The following IQCM variants were observed in gnomAD, a reference collection of about 807,000 sequenced individuals.
The protein encoded by IQCM is IQ motif containing M, also known as IQ domain-containing protein M.
In IQCM, 45 loss-of-function variants were observed where a neutral mutation model predicts 57.6. The ratio of observed to expected loss-of-function variants is 0.78; its 90% CI spans 0.62 to 1.00. The LOEUF (loss-of-function observed/expected upper bound fraction) is 1.00. Ranked by LOEUF, IQCM falls within the 50% of genes least tolerant of loss-of-function variation. The pLI, the probability that IQCM is intolerant of heterozygous loss-of-function variation, is 0.00. For synonymous variants in IQCM, 148 were observed against 158.9 expected (o/e 0.93, Z 0.51); for missense variants, 468 against 511.6 (o/e 0.91, Z 0.82).
intron 5 of IQCM, among the ~76,000 whole-genome samples, chr4:149,718,552 C>A (rs190159820): frequency 4.6e-5 from 7 of 152,310 alleles, no homozygotes; most frequent in African/African-American, 1.7e-4. Context: ...TTGAAATGTA[C>A]TTTCAGAAGT....
Position 149,689,575 on chromosome 4 carries a change from AT to A in IQCM, c.386-3108del, listed in dbSNP as rs575535510. Among the ~76,000 whole-genome samples, 73 of 152,228 alleles carry A rather than the reference AT, an allele frequency of 4.8e-4. 1 individual carries two copies. In the South Asian group the frequency reaches 0.015, roughly 32 times the overall value. On this transcript the variant is annotated intron_variant, in intron 5 of 13. Transcript: ENST00000636793. ...AAATAAAAATTTTAAAAAGATAAAT[AT>A]TTGGGACTTAATTAACTAAAGAACT...
chr4:149,540,139 T>A (rs1020953666), intron 12 of IQCM, among the ~76,000 whole-genome samples: 1 of 151,024 alleles, frequency 6.6e-6, no homozygotes, highest in African/African-American at 2.4e-5. Flanking sequence ...GAGGTGAGCA[T>A]GCCCAGAAGA....
intron 13 of IQCM, among the ~76,000 whole-genome samples, chr4:149,394,054 A>G (rs1375061974): frequency 6.6e-6 from 1 of 152,024 alleles, no homozygotes; most frequent in Non-Finnish European, 1.5e-5. Context: ...TTGTGTTCTC[A>G]TAGTCAGTAT....
chr4:149,805,689 A>C (rs1774012876), intron 2 of IQCM, among the ~76,000 whole-genome samples: 1 of 152,074 alleles, frequency 6.6e-6, no homozygotes, highest in Non-Finnish European at 1.5e-5. Context: ...CATTAGCATA[A>C]AAAGAATTTG....
chr4:149,477,870 G>A (rs989450443), intron 12 of IQCM, among the ~76,000 whole-genome samples: 2 of 152,126 alleles, frequency 1.3e-5, no homozygotes, highest in South Asian at 4.1e-4. Flanking sequence ...AAATGGAACA[G>A]AGCTCTCAAA....
chr4:149,390,051 T>G (rs189873182), intron 13 of IQCM, among the ~76,000 whole-genome samples: 1 of 151,978 alleles, frequency 6.6e-6, no homozygotes. Context: ...GTAGATCAGG[T>G]TGGAGAGACC....
intron 13 of IQCM, among the ~76,000 whole-genome samples, chr4:149,385,352 C>G (rs1344340849): frequency 1.3e-5 from 2 of 152,068 alleles, no homozygotes; most frequent in Non-Finnish European, 2.9e-5. Flanking sequence ...ACCACGGTAG[C>G]AGCCTGTGCC....
At chr4:149,581,434 C>T (rs1752173112) in intron 9 of IQCM, among the ~76,000 whole-genome samples, 1 of 151,328 alleles carries the variant, frequency 6.6e-6, no homozygotes, top group Non-Finnish European at 1.5e-5. Context: ...CCCTTCTATG[C>T]CCAGAATCCC....
At chr4:149,523,055 A>G (rs1360542117) in intron 12 of IQCM, among the ~76,000 whole-genome samples, 1 of 152,212 alleles carries the variant, frequency 6.6e-6, no homozygotes, top group East Asian at 1.9e-4. Context: ...TCAAGTCACT[A>G]GCAGATTAAG....
At chr4:149,794,636 T>C (rs1772949151) in intron 2 of IQCM, among the ~76,000 whole-genome samples, 1 of 152,112 alleles carries the variant, frequency 6.6e-6, no homozygotes, top group Non-Finnish European at 1.5e-5. Flanking sequence ...GGTGCATTCA[T>C]ATAATAATAA....
chr4:149,805,476 C>T (rs1276598885), intron 2 of IQCM, among the ~76,000 whole-genome samples: 2 of 151,972 alleles, frequency 1.3e-5, no homozygotes, highest in Non-Finnish European at 2.9e-5. Context: ...AACAAACATC[C>T]TGAAGAAATA....
chr4:149,575,094 G>T (rs1751507873), intron 9 of IQCM, among the ~76,000 whole-genome samples: 1 of 151,908 alleles, frequency 6.6e-6, no homozygotes, highest in African/African-American at 2.4e-5. Flanking sequence ...TGGATCTGCT[G>T]CTACCAAGCT....
At chr4:149,747,011 C>T (rs533859014) in intron 2 of IQCM, among the ~76,000 whole-genome samples, 30 of 152,278 alleles carry the variant, frequency 2.0e-4, no homozygotes, top group African/African-American at 7.0e-4. Flanking sequence ...CCTAGTCACC[C>T]TTCTCTGATA....
At chr4:149,606,786 G>C (rs1425410566) in intron 8 of IQCM, among the ~76,000 whole-genome samples, 4 of 152,096 alleles carry the variant, frequency 2.6e-5, no homozygotes, top group African/African-American at 7.2e-5. Context: ...GAATGCACTA[G>C]AGTCCCTCAA....
At chr4:149,377,021 T>G (rs374794976) in intron 13 of IQCM, among the ~76,000 whole-genome samples, 50 of 152,246 alleles carry the variant, frequency 3.3e-4, no homozygotes, top group East Asian at 1.2e-3. Flanking sequence ...CTTGGTCACA[T>G]GAAGCTACTG....
intron 13 of IQCM, among the ~76,000 whole-genome samples, chr4:149,357,477 G>T (rs1729090362): frequency 2.0e-5 from 3 of 152,090 alleles, no homozygotes; most frequent in Non-Finnish European, 4.4e-5. Context: ...TTTGTCAAAG[G>T]CCTTTTCTGC....
intron 12 of IQCM, among the ~76,000 whole-genome samples, chr4:149,438,613 T>C (rs914206192): frequency 1.3e-5 from 2 of 152,108 alleles, no homozygotes; most frequent in Non-Finnish European, 2.9e-5. Flanking sequence ...TTTATTTCTG[T>C]TCATTAGTAA....
At chr4:149,735,992 A>G (rs115147055) in intron 3 of IQCM, among the ~76,000 whole-genome samples, 1,882 of 150,704 alleles carry the variant, frequency 0.012, 16 homozygotes, top group South Asian at 0.018. Flanking sequence ...CTGTTGCCCA[A>G]TCTGGAGTAC....
chr4:149,563,070 C>G lies in IQCM; in HGVS notation c.948+622G>C, dbSNP rs111887075. On this transcript the variant is annotated intron_variant, in intron 10 of 13. Transcript: ENST00000636793. ...CCACTTAGGTTCATCTGCATTTGCC[C>G]AGCCAAAATGGGTGTGCATTATTTA... Among the ~76,000 whole-genome samples the G allele has an allele frequency of 9.9e-5, 15 of 152,218 alleles. No homozygotes were observed. The East Asian group carries it at 2.9e-3, about 29-fold the overall frequency.
Sources: gnomAD v4.1 joint callset for allele counts (sites outside exome capture counted in the v4.1 genomes callset) on GRCh38, gnomAD v4.1.1 for gene constraint, MANE v1.5 for transcripts, NCBI Gene and HGNC (gene_info 2026-07-23, HGNC 2026-07-21) for gene names.